CACNA1C: variants seen among roughly 807,000 people sequenced by gnomAD.
CACNA1C encodes voltage-dependent L-type calcium channel subunit alpha-1C.
Under a neutral mutation model 229.0 loss-of-function variants are expected in CACNA1C, and 30 were observed. The ratio of observed to expected loss-of-function variants is 0.13; its 90% confidence interval spans 0.10 to 0.18. CACNA1C has a LOEUF of 0.18. CACNA1C is among the 10% of genes least tolerant of loss of function. The probability of loss-of-function intolerance (pLI) is 1.00; values close to 1 mark genes in which losing one functional copy is unlikely to be tolerated. For missense variants in CACNA1C, 1,658 were observed against 2,845.0 expected (o/e 0.58, Z 9.49); for synonymous variants, 1,114 against 1,132.5 (o/e 0.98, Z 0.33).
chr12:2,655,776 G>C (rs1343456091), intron 34 of CACNA1C, among the ~76,000 whole-genome samples: 2 of 152,100 alleles, frequency 1.3e-5, no homozygotes, highest in Non-Finnish European at 2.9e-5. Flanking sequence ...TTCATTCCAG[G>C]GGTGGTTCAA....
At chr12:2,245,765 A>G (rs1018814444) in intron 3 of CACNA1C, among the ~76,000 whole-genome samples, 1 of 152,190 alleles carries the variant, frequency 6.6e-6, no homozygotes, top group Non-Finnish European at 1.5e-5. Context: ...GGGTAGTTGC[A>G]GTCTTATTTA....
In CACNA1C at chr12:2,135,955, C is replaced by T. The variant is rs557424899; in HGVS notation, c.477+15525C>T. 5.0e-4 allele frequency among the ~76,000 whole-genome samples: 74 copies of T among 149,080 alleles called. 2 individuals are homozygous for T. The highest frequency in any genetic ancestry group is 1.7e-3 in the Admixed American group (26 of 14,910). ...CTCAGACTGCTGTGCTAGCAATCAG[C>T]GAGACTCCGTGGGCGTAGGACCCTC... On this transcript the variant is annotated intron_variant, in intron 3 of 46. Coordinates refer to ENST00000399655, the MANE Select transcript of CACNA1C (RefSeq NM_000719.7).
At chr12:2,422,439 G>C (rs932631009) in intron 3 of CACNA1C, among the ~76,000 whole-genome samples, 1 of 151,704 alleles carries the variant, frequency 6.6e-6, no homozygotes, top group Non-Finnish European at 1.5e-5. Context: ...CCAGCCATCT[G>C]TAGGAAGAGG....
intron 3 of CACNA1C, among the ~76,000 whole-genome samples, chr12:2,398,806 A>G (rs1230874893): frequency 6.6e-6 from 1 of 152,170 alleles, no homozygotes; most frequent in Admixed American, 6.5e-5. Flanking sequence ...TTGCAGAGGA[A>G]CAAGGAAGCT....
chr12:2,685,699 G>C lies in CACNA1C; in HGVS notation c.5574-37G>C, dbSNP rs201839268. ...TGTCCCTGTGGGTGGCCACTTCTCA[G>C]CCTCCAGGAACAAGCCCCATGAGCT... On this transcript the variant is annotated intron_variant, in intron 43 of 46. Transcript: ENST00000399655. The C allele has an allele frequency of 5.7e-4, 881 of 1,556,098 alleles. 1 individual carries two copies. The highest frequency in any genetic ancestry group is 7.3e-4 in the Non-Finnish European group (824 of 1,127,758).
intron 3 of CACNA1C, among the ~76,000 whole-genome samples, chr12:2,236,125 C>T (rs1018841768): frequency 5.3e-5 from 8 of 152,164 alleles, no homozygotes; most frequent in Non-Finnish European, 7.3e-5. Context: ...CATCTCAGCC[C>T]GAAGTGTTTT....
chr12:2,424,779 A>G (rs2239066), intron 3 of CACNA1C, among the ~76,000 whole-genome samples: 125,818 of 152,208 alleles, frequency 0.83, 52,030 homozygotes, highest in Admixed American at 0.84. Flanking sequence ...GAGGAAGTTG[A>G]GGAAACCTCT....
chr12:2,315,465 T>A (rs2095642400), intron 3 of CACNA1C, among the ~76,000 whole-genome samples: 1 of 152,210 alleles, frequency 6.6e-6, no homozygotes, highest in African/African-American at 2.4e-5. Context: ...AGTCGCCACC[T>A]TTCTTGATTA....
intron 8 of CACNA1C, among the ~76,000 whole-genome samples, chr12:2,511,301 T>C (rs992834158): frequency 6.6e-6 from 1 of 152,076 alleles, no homozygotes; most frequent in African/African-American, 2.4e-5. Flanking sequence ...AAATTAGTGC[T>C]CTCCCAAGTG....
intron 29 of CACNA1C, among the ~76,000 whole-genome samples, chr12:2,617,092 T>G (rs942563303): frequency 6.6e-6 from 1 of 152,254 alleles, no homozygotes; most frequent in Non-Finnish European, 1.5e-5. Flanking sequence ...AGCCTTGGCC[T>G]TGTCTGCTTC....
rs190399862 is a variant in CACNA1C at position 2,283,208 on chromosome 12, A to T, written c.477+162778A>T. Among the ~76,000 whole-genome samples the T allele has an allele frequency of 1.3e-3, 196 of 152,142 alleles. 1 individual carries two copies. Among genetic ancestry groups the T allele is most frequent in the African/African-American group, 4.5e-3 (188 of 41,466 alleles). Reference sequence around the variant, plus strand: ...GCCAGAGTGTGTCAGTGTGGCTGGAAACTGCATTTTGAGTAGCAAGGTGCA... The same window carrying T: ...GCCAGAGTGTGTCAGTGTGGCTGGATACTGCATTTTGAGTAGCAAGGTGCA... On this transcript the variant is annotated intron_variant, in intron 3 of 46. Transcript: ENST00000399655.
At chr12:2,170,038 GGCTCTCTGCC>G (rs1327600694) in intron 3 of CACNA1C, among the ~76,000 whole-genome samples, 1 of 152,160 alleles carries the variant, frequency 6.6e-6, no homozygotes, top group African/African-American at 2.4e-5. Flanking sequence ...AGTTGTGGCA[GGCTCTCTGCC>G]TGGTTTTTTC....
chr12:2,038,800 GT>G (rs1393769449), intron 1 of CACNA1C, among the ~76,000 whole-genome samples: 2 of 151,844 alleles, frequency 1.3e-5, no homozygotes, highest in Admixed American at 6.6e-5. Flanking sequence ...TTGACCTGAT[GT>G]TTTTTTCCCC....
intron 9 of CACNA1C, among the ~76,000 whole-genome samples, chr12:2,516,968 T>C (rs2099798195): frequency 6.6e-6 from 1 of 152,294 alleles, no homozygotes; most frequent in African/African-American, 2.4e-5. Context: ...GTCCTAGCCC[T>C]ACTGATGTTT....
In CACNA1C at chr12:2,610,707, C is replaced by T; in HGVS notation, c.3717+8C>T. On this transcript the variant is annotated splice_region_variant and intron_variant, in intron 28 of 46. Coordinates refer to ENST00000399655, the MANE Select transcript of CACNA1C (RefSeq NM_000719.7). ...ATCTGCCTGGCCATGCAGGTCAGTC[C>T]CAGGAGGAGCACAGCCATGGTGCTG... 1 of 1,614,080 alleles carries T rather than the reference C, an allele frequency of 6.2e-7. No homozygotes were observed. Among genetic ancestry groups the T allele is most frequent in the Non-Finnish European group, 8.5e-7 (1 of 1,179,912 alleles).
chr12:2,074,563 G>A (rs1462531315), intron 1 of CACNA1C, among the ~76,000 whole-genome samples: 1 of 152,092 alleles, frequency 6.6e-6, no homozygotes. Flanking sequence ...TCCTCTGGGA[G>A]ATGGAAATTT....
intron 1 of CACNA1C, among the ~76,000 whole-genome samples, chr12:2,038,673 C>T (rs1004578439): frequency 6.6e-6 from 1 of 152,168 alleles, no homozygotes; most frequent in Non-Finnish European, 1.5e-5. Flanking sequence ...TGAACCCATG[C>T]TTAATAGGGT....
At chr12:2,237,278 A>G (rs2154369635) in intron 3 of CACNA1C, among the ~76,000 whole-genome samples, 1 of 152,344 alleles carries the variant, frequency 6.6e-6, no homozygotes, top group African/African-American at 2.4e-5. Flanking sequence ...CTCTGCACAC[A>G]GCAGCCTCCA....
Position 2,677,617 on chromosome 12 carries a change from G to C in CACNA1C, c.4957-116G>C. 1 of 1,204,994 alleles carries C rather than the reference G, an allele frequency of 8.3e-7. No homozygotes were observed. The highest frequency in any genetic ancestry group is 1.2e-6 in the Non-Finnish European group (1 of 847,368). The allele number at this position is 1,204,994 out of a possible 1,614,324, so 74.6% of individuals were successfully genotyped here. On this transcript the variant is annotated intron_variant, in intron 40 of 46. Transcript: ENST00000399655. The surrounding 1 kb of genome is among the most constrained non-coding windows in gnomAD (Gnocchi z 7.4). The stretch of plus-strand genomic sequence containing the variant: ...CACAAACCTTCCGGAGGGTCGACTG[G>C]CTGGGTGGAGGATGCCAGGGCCCTG...
Sources: allele counts gnomAD v4.1 joint callset (sites outside exome capture counted in the v4.1 genomes callset), GRCh38; gene constraint gnomAD v4.1.1; non-coding constraint Gnocchi (gnomAD v3.1); transcripts MANE v1.5; gene names NCBI Gene and HGNC (gene_info 2026-07-23, HGNC 2026-07-21).